The following PRR5L variants were observed in gnomAD, a reference collection of about 807,000 sequenced individuals.
PRR5L encodes proline-rich protein 5-like.
Under a neutral mutation model 36.4 loss-of-function variants are expected in PRR5L, and 21 were observed. The ratio of observed to expected loss-of-function variants is 0.58; its 90% CI spans 0.41 to 0.83. The LOEUF is 0.83. PRR5L is among the 40% of genes least tolerant of loss of function. The pLI is 0.00. For synonymous variants in PRR5L, 188 were observed against 197.0 expected, an observed-to-expected ratio of 0.95 and a Z score of 0.38; for missense variants, 381 against 473.3, an observed-to-expected ratio of 0.80 and a Z score of 1.81.
intron 1 of PRR5L, among the ~76,000 whole-genome samples, chr11:36,360,188 A>G (rs1403961416): frequency 6.6e-6 from 1 of 152,206 alleles, no homozygotes; most frequent in Non-Finnish European, 1.5e-5. Flanking sequence ...TGTGTCTAGT[A>G]GAATGACAAT....
At chr11:36,360,563 C>A (rs1857076555) in intron 1 of PRR5L, among the ~76,000 whole-genome samples, 1 of 151,948 alleles carries the variant, frequency 6.6e-6, no homozygotes, top group African/African-American at 2.4e-5. Context: ...TAACATCGCA[C>A]ATGTAACACA....
intron 5 of PRR5L, among the ~76,000 whole-genome samples, chr11:36,436,127 G>T (rs554354808): frequency 1.3e-5 from 2 of 152,298 alleles, no homozygotes; most frequent in African/African-American, 4.8e-5. Context: ...TCATGCCCTT[G>T]TTCTATTCTC....
chr11:36,319,069 G>T (rs1856587754), intron 1 of PRR5L, among the ~76,000 whole-genome samples: 1 of 152,140 alleles, frequency 6.6e-6, no homozygotes, highest in African/African-American at 2.4e-5. Flanking sequence ...ATTAACTGTT[G>T]AGTAGGCACT....
At chr11:36,350,164 G>T (rs1856912293) in intron 1 of PRR5L, 1 of 146,270 alleles carries the variant, frequency 6.8e-6, no homozygotes, top group Non-Finnish European at 1.5e-5. Flanking sequence ...GTGGGTGTGT[G>T]GGAGGGTGGG....
intron 1 of PRR5L, among the ~76,000 whole-genome samples, chr11:36,350,236 AAGTG>A (rs1294942742): frequency 7.1e-6 from 1 of 141,698 alleles, no homozygotes. Flanking sequence ...TGGGGGGTAT[AAGTG>A]AGTGTGTGTG....
intron 1 of PRR5L, chr11:36,321,024 T>A (rs2133463866): frequency 6.6e-6 from 1 of 152,362 alleles, no homozygotes; most frequent in South Asian, 2.1e-4. Context: ...TTTTAAAAAA[T>A]AATTCTTTGA....
intron 1 of PRR5L, among the ~76,000 whole-genome samples, chr11:36,400,078 G>A (rs957239401): frequency 6.6e-6 from 1 of 152,210 alleles, no homozygotes; most frequent in Admixed American, 6.5e-5. Context: ...CTGCTACAAG[G>A]GGACAGTGTC....
chr11:36,357,360 T>G (rs956692075), intron 1 of PRR5L, among the ~76,000 whole-genome samples: 2 of 152,218 alleles, frequency 1.3e-5, no homozygotes, highest in African/African-American at 4.8e-5. Flanking sequence ...ATATGGAAGA[T>G]CTAGCTAAGA....
chr11:36,389,883 T>A (rs1435980352), intron 1 of PRR5L, among the ~76,000 whole-genome samples: 2 of 152,090 alleles, frequency 1.3e-5, no homozygotes, highest in Non-Finnish European at 2.9e-5. Flanking sequence ...AAAATGCCCA[T>A]GTAATTTTAA....
At chr11:36,429,556 T>C (rs1441313948) in intron 4 of PRR5L, among the ~76,000 whole-genome samples, 1 of 151,872 alleles carries the variant, frequency 6.6e-6, no homozygotes, top group Non-Finnish European at 1.5e-5. Flanking sequence ...ATGATGAAAA[T>C]TGAATCACAG....
Position 36,446,446 on chromosome 11 carries a change from G to A in PRR5L, c.585+6G>A. The A allele has an allele frequency of 6.2e-7, 1 of 1,613,922 alleles. No individual in the cohort carries two copies. Among genetic ancestry groups the A allele is most frequent in the East Asian group, 2.2e-5 (1 of 44,884 alleles). Reference sequence around the variant, plus strand: ...AGATGTTGCTCATCCTGCAGGTGAGGCTGTGCTGGAGACTTGCCCCAAGGC... The same window carrying A: ...AGATGTTGCTCATCCTGCAGGTGAGACTGTGCTGGAGACTTGCCCCAAGGC... On this transcript the variant is annotated splice_donor_region_variant and intron_variant, in intron 7 of 8. Coordinates refer to ENST00000530639, the MANE Select transcript of PRR5L (RefSeq NM_001160167.2).
chr11:36,450,438 C>G (rs1018366299), intron 7 of PRR5L, among the ~76,000 whole-genome samples: 2 of 152,214 alleles, frequency 1.3e-5, no homozygotes, highest in Non-Finnish European at 1.5e-5. Context: ...AGAAGCTGAA[C>G]TCCCCAGGAG....
intron 1 of PRR5L, among the ~76,000 whole-genome samples, chr11:36,353,827 C>T (rs891564543): frequency 5.3e-5 from 8 of 152,172 alleles, no homozygotes; most frequent in African/African-American, 1.9e-4. Context: ...CCATTCCTAA[C>T]AGGCCACAGA....
At chr11:36,437,779 G>T (rs748183057) in intron 6 of PRR5L, among the ~76,000 whole-genome samples, 1 of 152,128 alleles carries the variant, frequency 6.6e-6, no homozygotes, top group Non-Finnish European at 1.5e-5. Context: ...CAGAAGATGG[G>T]GGAAGGGAGA....
At chr11:36,452,611 A>C (rs1858967653) in intron 8 of PRR5L, among the ~76,000 whole-genome samples, 1 of 151,706 alleles carries the variant, frequency 6.6e-6, no homozygotes, top group Non-Finnish European at 1.5e-5. Flanking sequence ...CTGCAGCCCC[A>C]CTCTGAGCTG....
intron 1 of PRR5L, 129 bp from the exon 2 acceptor site, chr11:36,400,868 G>A: frequency 1.6e-6 from 1 of 612,422 alleles, no homozygotes. Context: ...GAACCTGCCA[G>A]GGAATAGATG....
At chr11:36,316,972 T>C (rs1856564169) in intron 1 of PRR5L, among the ~76,000 whole-genome samples, 1 of 152,154 alleles carries the variant, frequency 6.6e-6, no homozygotes, top group Non-Finnish European at 1.5e-5. Flanking sequence ...TGGAGTCAAT[T>C]AGGTCTGATC....
intron 1 of PRR5L, among the ~76,000 whole-genome samples, chr11:36,400,186 G>A (rs1228992447): frequency 1.3e-5 from 2 of 152,234 alleles, no homozygotes; most frequent in East Asian, 3.8e-4. Context: ...GAGCAAAAGT[G>A]TGGGGGAAGG....
At chr11:36,302,701 C>T (rs972750759) in intron 1 of PRR5L, among the ~76,000 whole-genome samples, 1 of 152,106 alleles carries the variant, frequency 6.6e-6, no homozygotes, top group Non-Finnish European at 1.5e-5. Context: ...GCACGAGAAT[C>T]GCTTGAGCCT....
Sources: allele counts gnomAD v4.1 joint callset (sites outside exome capture counted in the v4.1 genomes callset), GRCh38; gene constraint gnomAD v4.1.1; transcripts MANE v1.5; gene names NCBI Gene and HGNC (gene_info 2026-07-23, HGNC 2026-07-21).